The following ARHGAP26 variants were observed in gnomAD, a reference collection of about 807,000 sequenced individuals.
ARHGAP26 encodes Rho GTPase activating protein 26.
Under a neutral mutation model 104.8 loss-of-function variants are expected in ARHGAP26, and 38 were observed. The observed-to-expected ratio is 0.36, with a 90% CI of 0.28 to 0.48. The LOEUF is 0.48. Ranked by LOEUF, ARHGAP26 falls within the 20% of genes least tolerant of loss-of-function variation. The pLI is 0.99. For synonymous variants in ARHGAP26, 341 were observed against 340.0 expected, an observed-to-expected ratio of 1.00 and a Z score of -0.03; for missense variants, 704 against 947.9, an observed-to-expected ratio of 0.74 and a Z score of 3.38.
At chr5:143,158,715 T>G (rs1209501653) in intron 20 of ARHGAP26, among the ~76,000 whole-genome samples, 2 of 152,212 alleles carry the variant, frequency 1.3e-5, no homozygotes, top group Non-Finnish European at 2.9e-5. Flanking sequence ...CTAATATTCT[T>G]TATGAAGTAA....
chr5:142,796,454 T>A (rs1279814052), intron 1 of ARHGAP26, among the ~76,000 whole-genome samples: 2 of 152,374 alleles, frequency 1.3e-5, no homozygotes, highest in African/African-American at 4.8e-5. Flanking sequence ...TTAAAAGAGA[T>A]GATGTACTGC....
At chr5:143,194,245 C>T (rs1489418545) in intron 20 of ARHGAP26, 1 of 152,196 alleles carries the variant, frequency 6.6e-6, no homozygotes, top group Admixed American at 6.5e-5. Context: ...CATTCAACAA[C>T]ATTCAACAAA....
At chr5:143,192,305 A>G (rs896803239) in intron 20 of ARHGAP26, among the ~76,000 whole-genome samples, 1 of 152,172 alleles carries the variant, frequency 6.6e-6, no homozygotes, top group East Asian at 1.9e-4. Context: ...TGGTTACAGG[A>G]AAGGGAAAGG....
chr5:142,786,147 ATTTTTTT>A (rs35617606), intron 1 of ARHGAP26, among the ~76,000 whole-genome samples: 2 of 138,758 alleles, frequency 1.4e-5, no homozygotes, highest in African/African-American at 5.3e-5. Context: ...ATTAAAAAAC[ATTTTTTT>A]TTTTTTTTGT....
At chr5:142,791,993 A>G (rs1759944401) in intron 1 of ARHGAP26, among the ~76,000 whole-genome samples, 1 of 151,010 alleles carries the variant, frequency 6.6e-6, no homozygotes, top group African/African-American at 2.4e-5. Context: ...CAGTTTAGTT[A>G]TAGTAGCACA....
intron 20 of ARHGAP26, chr5:143,203,422 A>G (rs578088002): frequency 5.3e-5 from 8 of 152,326 alleles, no homozygotes; most frequent in African/African-American, 1.9e-4. Flanking sequence ...TCAGGAAACA[A>G]CACATGCTGG....
At chr5:142,793,473 G>A (rs1760306082) in intron 1 of ARHGAP26, among the ~76,000 whole-genome samples, 2 of 152,084 alleles carry the variant, frequency 1.3e-5, no homozygotes, top group Non-Finnish European at 2.9e-5. Context: ...GGGGAAAAGA[G>A]AGTTGAACCC....
chr5:142,782,533 G>A (rs1471924225), intron 1 of ARHGAP26, among the ~76,000 whole-genome samples: 2 of 152,164 alleles, frequency 1.3e-5, no homozygotes, highest in Non-Finnish European at 2.9e-5. Flanking sequence ...CAGCAAGGGT[G>A]AAGAACGCCT....
chr5:143,185,632 A>T (rs563584533), intron 20 of ARHGAP26, among the ~76,000 whole-genome samples: 1 of 152,262 alleles, frequency 6.6e-6, no homozygotes, highest in South Asian at 2.1e-4. Flanking sequence ...CCTTAACTCC[A>T]CTACTTTATC....
chr5:143,141,624 G>T (rs868118828), intron 19 of ARHGAP26, among the ~76,000 whole-genome samples: 21 of 152,312 alleles, frequency 1.4e-4, no homozygotes, highest in African/African-American at 5.1e-4. Context: ...ATAAAAGTAG[G>T]TGTGTAGTTT....
chr5:142,879,534 G>C, intron 4 of ARHGAP26, 89 bp downstream of exon 4: 1 of 1,253,044 alleles, frequency 8.0e-7, no homozygotes. Context: ...CTTCAGAAAT[G>C]TCTTCAGAAA....
rs1210412507 is a variant in ARHGAP26 at position 143,165,916 on chromosome 5, A to T, written c.1988+18535A>T. 5 of 616,718 alleles carry T rather than the reference A, an allele frequency of 8.1e-6. No homozygotes were observed. The Admixed American group carries it at 1.6e-4, about 20-fold the overall frequency. 38.2% of individuals were successfully genotyped at this position (616,718 alleles called of 1,614,324 possible). A position where few individuals can be genotyped will look rare whatever the true frequency, so the allele number is the denominator to read the frequency against. The stretch of plus-strand genomic sequence containing the variant: ...GTAGTATCTACCTCCTAGGGTTGTT[A>T]GGATGAAATGAAATAGTTCATGTAG... On this transcript the variant is annotated intron_variant, in intron 20 of 22. Transcript: ENST00000645722.
chr5:142,949,220 AGGAGAGAGAGAG>A lies in ARHGAP26; in HGVS notation c.1107+17097_1107+17108del, dbSNP rs757334001. 1.2e-3 allele frequency among the ~76,000 whole-genome samples: 20 copies of A among 17,372 alleles called. 2 individuals are homozygous for A. The highest frequency in any genetic ancestry group is 9.3e-3 in the African/African-American group (18 of 1,940). The allele number at this position is 17,372 out of a possible 152,430, so 11.4% of individuals were successfully genotyped here. On this transcript the variant is annotated intron_variant, in intron 11 of 22. Coordinates refer to ENST00000645722, the MANE Select transcript of ARHGAP26 (RefSeq NM_001135608.3). ...GAGAGAGAGAGAGAGAGAGAGAGAG[AGGAGAGAGAGAG>A]GAGAGAGAGAGAGAGAGAGAGAGAG...
At chr5:143,162,207 T>C (rs540747317) in intron 20 of ARHGAP26, among the ~76,000 whole-genome samples, 1 of 151,724 alleles carries the variant, frequency 6.6e-6, no homozygotes, top group Non-Finnish European at 1.5e-5. Context: ...ATAGACCTCA[T>C]GGTAGCATGG....
At chr5:142,978,438 C>T (rs1773453226) in intron 11 of ARHGAP26, among the ~76,000 whole-genome samples, 1 of 152,176 alleles carries the variant, frequency 6.6e-6, no homozygotes, top group Non-Finnish European at 1.5e-5. Flanking sequence ...CTGCTCTCAT[C>T]ATTGACATAA....
chr5:143,110,388 C>G (rs567911205), intron 17 of ARHGAP26, among the ~76,000 whole-genome samples: 1 of 152,314 alleles, frequency 6.6e-6, no homozygotes, highest in African/African-American at 2.4e-5. Flanking sequence ...CAGTTTTGGC[C>G]TTTGTGCTGG....
intron 1 of ARHGAP26, among the ~76,000 whole-genome samples, chr5:142,852,172 G>T (rs1181025059): frequency 1.3e-5 from 2 of 152,218 alleles, no homozygotes; most frequent in Non-Finnish European, 2.9e-5. Flanking sequence ...GTATGCAGCC[G>T]CCGGCAAAGC....
intron 11 of ARHGAP26, among the ~76,000 whole-genome samples, chr5:143,012,554 T>TACATAC (rs1369935500): frequency 4.5e-5 from 3 of 66,178 alleles, no homozygotes; most frequent in African/African-American, 1.3e-4. Context: ...CATACATACA[T>TACATAC]ATATATATAT....
intron 17 of ARHGAP26, among the ~76,000 whole-genome samples, chr5:143,106,645 G>C (rs1436988352): frequency 6.6e-6 from 1 of 151,826 alleles, no homozygotes; most frequent in East Asian, 1.9e-4. Context: ...GCTAATTTTT[G>C]TATTTTTAGT....
Sources: allele counts gnomAD v4.1 joint callset (sites outside exome capture counted in the v4.1 genomes callset), GRCh38; gene constraint gnomAD v4.1.1; transcripts MANE v1.5; gene names NCBI Gene and HGNC (gene_info 2026-07-23, HGNC 2026-07-21).